The following MYBPC1 variants were observed in gnomAD, a reference collection of about 807,000 sequenced individuals.
The protein encoded by MYBPC1 is myosin-binding protein C, slow-type.
Under a neutral mutation model 147.1 loss-of-function variants are expected in MYBPC1, and 52 were observed. The observed-to-expected ratio is 0.35, with a 90% CI of 0.28 to 0.45. The LOEUF is 0.45. Ranked by LOEUF, MYBPC1 falls within the 20% of genes least tolerant of loss-of-function variation. The probability of loss-of-function intolerance (pLI) is 1.00; values close to 1 mark genes in which losing one functional copy is unlikely to be tolerated. For synonymous variants in MYBPC1, 477 were observed against 475.9 expected (o/e 1.00, Z -0.03); for missense variants, 1,228 against 1,440.3 (o/e 0.85, Z 2.39).
At chr12:101,691,059 GTGATTTATTTAC>G in the MYBPC1 span, among the ~76,000 whole-genome samples, 1 of 152,088 alleles carries the variant, frequency 6.6e-6, no homozygotes, top group South Asian at 2.1e-4. Context: ...GCCTAGCCAG[GTGATTTATTTAC>G]TTATTTATTT....
chr12:101,595,248 G>A (rs1593540295), intron 1 of MYBPC1, among the ~76,000 whole-genome samples, 153 bp downstream of exon 1: 1 of 152,018 alleles, frequency 6.6e-6, no homozygotes, highest in African/African-American at 2.4e-5. Flanking sequence ...ACAGACCAGA[G>A]GAAAAATACA....
Position 101,619,165 on chromosome 12 carries a change from A to T in MYBPC1, c.103+1922A>T, listed in dbSNP as rs373616594. Among the ~76,000 whole-genome samples the T allele has an allele frequency of 2.5e-4, 38 of 151,854 alleles. No homozygotes were observed. The South Asian group carries it at 6.0e-3, about 24-fold the overall frequency. On this transcript the variant is annotated intron_variant, in intron 3 of 31. Transcript: ENST00000361466. ...TAAACAGGATTGATGGGTGCAACCTACCTTTTCTCCAGCATGAGCTAGAAC... is the reference window on the plus strand; with the variant it reads ...TAAACAGGATTGATGGGTGCAACCTTCCTTTTCTCCAGCATGAGCTAGAAC...
chr12:101,625,824 G>A (rs762700592), intron 3 of MYBPC1, among the ~76,000 whole-genome samples: 2 of 152,060 alleles, frequency 1.3e-5, no homozygotes, highest in Non-Finnish European at 2.9e-5. Flanking sequence ...GGTGGCTCAC[G>A]CCTGTAATCC....
chr12:101,681,649 C>T (rs1951008136), intron 29 of MYBPC1, among the ~76,000 whole-genome samples: 1 of 115,136 alleles, frequency 8.7e-6, no homozygotes, highest in Non-Finnish European at 1.7e-5. Context: ...TGCTCTGTCA[C>T]CCAGGCTGGA....
rs5800480 is a variant in MYBPC1 at position 101,671,310 on chromosome 12, TACAC to T, written c.2613+926_2613+929del. Reference sequence around the variant, plus strand: ...TCTCTACACACATTTGACACTCATATACACACACACACACACACACACACACACT... The same window carrying T: ...TCTCTACACACATTTGACACTCATATACACACACACACACACACACACACT... On this transcript the variant is annotated intron_variant, in intron 24 of 31. Transcript: ENST00000361466. 6.4e-3 allele frequency among the ~76,000 whole-genome samples: 677 copies of T among 105,406 alleles called. 7 individuals carry two copies. The highest frequency in any genetic ancestry group is 0.013 in the African/African-American group (488 of 37,664). 69.2% of individuals were successfully genotyped at this position (105,406 alleles called of 152,430 possible).
chr12:101,688,218 G>A (rs368739756), downstream of MYBPC1, among the ~76,000 whole-genome samples: 12 of 151,974 alleles, frequency 7.9e-5, no homozygotes, highest in East Asian at 1.9e-4. Context: ...CCGGGAGTTC[G>A]AGAGCAGCTA....
intron 24 of MYBPC1, among the ~76,000 whole-genome samples, chr12:101,671,206 A>T (rs1329431698): frequency 6.6e-6 from 1 of 152,132 alleles, no homozygotes; most frequent in Non-Finnish European, 1.5e-5. Flanking sequence ...AATTTTCTTC[A>T]ATTTTAATTA....
At chr12:101,671,133 T>C (rs1396383791) in intron 24 of MYBPC1, among the ~76,000 whole-genome samples, 1 of 152,200 alleles carries the variant, frequency 6.6e-6, no homozygotes, top group Non-Finnish European at 1.5e-5. Context: ...ACTAGCCACA[T>C]GTGGCTGTTG....
At chr12:101,654,254 G>T (rs1895121569) in intron 18 of MYBPC1, among the ~76,000 whole-genome samples, 2 of 152,090 alleles carry the variant, frequency 1.3e-5, no homozygotes, top group Non-Finnish European at 1.5e-5. Context: ...ATAAAAAGCA[G>T]AATGAGACTT....
In MYBPC1 at chr12:101,667,853, C is replaced by T. The variant is rs371105415; in HGVS notation, c.2478C>T (p.Ser826=). The T allele has an allele frequency of 9.3e-6, 15 of 1,613,984 alleles. No homozygotes were observed. The highest frequency in any genetic ancestry group is 1.6e-4 in the Middle Eastern group (1 of 6,084). The change falls in exon 23 of 32, where the codon AGC becomes AGT. Residue 826 remains serine (S), a synonymous_variant. Transcript: ENST00000361466. ...AGGCTGTTAATGCAGCTGGTGCCAG[C>T]GAGCCCAAGTACTATTCTCAGCCCA... ...RVKAVNAAGA[S]EPKYYSQPIL...
At chr12:101,618,176 A>G (rs887977124) in intron 3 of MYBPC1, among the ~76,000 whole-genome samples, 3 of 152,184 alleles carry the variant, frequency 2.0e-5, no homozygotes, top group South Asian at 2.1e-4. Flanking sequence ...TCTAATTTCT[A>G]TGATATTCTT....
chr12:101,613,701 T>C (rs1885041670), intron 1 of MYBPC1, among the ~76,000 whole-genome samples: 1 of 152,222 alleles, frequency 6.6e-6, no homozygotes, highest in South Asian at 2.1e-4. Context: ...CAGACTGCTC[T>C]GTAATAACCA....
downstream of MYBPC1, among the ~76,000 whole-genome samples, chr12:101,689,964 C>G (rs1951392508): frequency 6.6e-6 from 1 of 152,212 alleles, no homozygotes; most frequent in South Asian, 2.1e-4. Context: ...CACCTGAGGT[C>G]AGAAGTTGGA....
At chr12:101,630,613 G>A (rs1205255032) in intron 6 of MYBPC1, among the ~76,000 whole-genome samples, 1 of 152,152 alleles carries the variant, frequency 6.6e-6, no homozygotes, top group African/African-American at 2.4e-5. Context: ...TGAGACAGCT[G>A]ATTGGGCAAA....
At chr12:101,626,060 C>T (rs2135979871) in intron 3 of MYBPC1, among the ~76,000 whole-genome samples, 1 of 109,438 alleles carries the variant, frequency 9.1e-6, no homozygotes, top group African/African-American at 3.7e-5. Flanking sequence ...TGCACTCCAG[C>T]CTGGGCAAAA....
chr12:101,654,141 A>G (rs1308093536), intron 18 of MYBPC1, among the ~76,000 whole-genome samples: 2 of 152,208 alleles, frequency 1.3e-5, no homozygotes, highest in Admixed American at 1.3e-4. Context: ...CGGGAGGCAG[A>G]GGTTGCAGTG....
At position 101,651,339 on chromosome 12, in the gene MYBPC1, A is replaced by C. The variant is rs1327622566; in HGVS notation, c.1472A>C (p.Lys491Thr). ...ISENIPGKWT[K>T]NGLPVQESDR... ...GAAAACATACCAGGAAAATGGACTA[A>C]AAATGGCCTACCTGTTCAGGAGAGT... Residue 491 changes from lysine to threonine, a missense_variant, in exon 16 of 32, where the codon AAA becomes ACA. Coordinates refer to ENST00000361466, the MANE Select transcript of MYBPC1 (RefSeq NM_002465.4). 1.2e-6 allele frequency: 2 copies of C among 1,614,170 alleles called. No individual in the cohort carries two copies. Among genetic ancestry groups the C allele is most frequent in the Non-Finnish European group, 1.7e-6 (2 of 1,180,008 alleles).
At chr12:101,678,305 A>G (rs879725983) in intron 28 of MYBPC1, 67 bp downstream of exon 28, 18 of 1,585,782 alleles carry the variant, frequency 1.1e-5, no homozygotes, top group Non-Finnish European at 1.4e-5. Context: ...TAATGTAAGT[A>G]ACAATGTAAA....
chr12:101,678,295 T>C, intron 28 of MYBPC1, 57 bp downstream of exon 28: 4 of 1,598,350 alleles, frequency 2.5e-6, no homozygotes, highest in Non-Finnish European at 3.4e-6. Context: ...TGTTGTGTTA[T>C]AATGTAAGTA....
Sources: gnomAD v4.1 joint callset for allele counts (sites outside exome capture counted in the v4.1 genomes callset) on GRCh38, gnomAD v4.1.1 for gene constraint, MANE v1.5 for transcripts, NCBI Gene and HGNC (gene_info 2026-07-23, HGNC 2026-07-21) for gene names.